ZNF783: variants seen among roughly 807,000 people sequenced by gnomAD.
ZNF783 encodes protein ZNF783.
In ZNF783, 25 loss-of-function variants were observed where a neutral mutation model predicts 31.3. The ratio of observed to expected loss-of-function variants is 0.80; its 90% CI spans 0.58 to 1.11. ZNF783 has a LOEUF of 1.11. Among genes scored for constraint, ZNF783 ranks in the 50% most tolerant of loss-of-function variants. The pLI, the probability that ZNF783 is intolerant of heterozygous loss-of-function variation, is 0.00. For missense variants in ZNF783, 797 were observed against 760.0 expected (o/e 1.05, Z -0.57); for synonymous variants, 369 against 319.1 (o/e 1.16, Z -1.66).
Position 149,281,989 on chromosome 7 carries a change from G to C in ZNF783, c.1287G>C (p.Arg429=), listed in dbSNP as rs755765981. 1 of 1,576,920 alleles carries C rather than the reference G, an allele frequency of 6.3e-7. No individual in the cohort carries two copies. The highest frequency in any genetic ancestry group is 8.5e-7 in the Non-Finnish European group (1 of 1,169,760). The part of the protein sequence containing the change: ...VAGGRALVGR[R]PAASKMYHCS... ...GGGGCCGTGCCTTGGTGGGGCGGCG[G>C]CCTGCAGCCAGCAAGATGTACCACT... The change falls in exon 6 of 6, where the codon CGG becomes CGC. Residue 429 remains arginine, a synonymous_variant. Coordinates refer to ENST00000434415, the MANE Select transcript of ZNF783 (RefSeq NM_001195220.2).
At position 149,283,388 on chromosome 7, in the gene ZNF783, A is replaced by G. The variant is rs904504873; in HGVS notation, c.*1045A>G. ...AGTATTCCTAGTCCTTCCCCACAGGATAGTCACATCCATTATTTACTTTTG... is the reference window on the plus strand; with the variant it reads ...AGTATTCCTAGTCCTTCCCCACAGGGTAGTCACATCCATTATTTACTTTTG... On this transcript the variant is annotated 3_prime_UTR_variant, in exon 6 of 6. Coordinates refer to ENST00000434415, the MANE Select transcript of ZNF783 (RefSeq NM_001195220.2). 1.2e-4 allele frequency: 18 copies of G among 152,198 alleles called. No individual in the cohort carries two copies. Among genetic ancestry groups the G allele is most frequent in the African/African-American group, 4.3e-4 (18 of 41,410 alleles). 9.4% of individuals were successfully genotyped at this position (152,198 alleles called of 1,614,324 possible). A position where few individuals can be genotyped will look rare whatever the true frequency, so the allele number is the denominator to read the frequency against.
chr7:149,267,128 C>T lies in ZNF783; in HGVS notation c.579C>T (p.Thr193=), dbSNP rs1459948944. Residue 193 remains threonine, a synonymous_variant, in exon 4 of 6, where the codon ACC becomes ACT. Coordinates refer to ENST00000434415, the MANE Select transcript of ZNF783 (RefSeq NM_001195220.2). ...DYAISKPDIL[T]RIERGEEPCL... is the part of the protein sequence containing the mutation. ...CAATCTCCAAACCAGACATCCTCACCCGGATAGAGAGGGGAGAGGAGCCTT... is the reference window on the plus strand; with the variant it reads ...CAATCTCCAAACCAGACATCCTCACTCGGATAGAGAGGGGAGAGGAGCCTT... 5.0e-6 allele frequency: 8 copies of T among 1,599,492 alleles called. 1 individual carries two copies. In the Admixed American group the frequency reaches 1.2e-4, roughly 23 times the overall value.
At position 149,267,081 on chromosome 7, in the gene ZNF783, C is replaced by T; in HGVS notation, c.548-16C>T. 2 of 1,602,850 alleles carry T rather than the reference C, an allele frequency of 1.2e-6. No homozygotes were observed. Among genetic ancestry groups the T allele is most frequent in the Non-Finnish European group, 1.7e-6 (2 of 1,179,834 alleles). On this transcript the variant is annotated splice_polypyrimidine_tract_variant and intron_variant, in intron 3 of 5. Coordinates refer to ENST00000434415, the MANE Select transcript of ZNF783 (RefSeq NM_001195220.2). ...TGTGGGGTCCAGCTCTTCCTCATTTCTTGTTCTGTGCACAGATTATGCAAT... is the reference window on the plus strand; with the variant it reads ...TGTGGGGTCCAGCTCTTCCTCATTTTTTGTTCTGTGCACAGATTATGCAAT...
At position 149,281,870 on chromosome 7, in the gene ZNF783, A is replaced by G; in HGVS notation, c.1168A>G (p.Ser390Gly). The G allele has an allele frequency of 6.7e-7, 1 of 1,503,320 alleles. No individual in the cohort carries two copies. Among genetic ancestry groups the G allele is most frequent in the East Asian group, 2.3e-5 (1 of 42,720 alleles). The allele number at this position is 1,503,320 out of a possible 1,614,324, so 93.1% of individuals were successfully genotyped here. A position where few individuals can be genotyped will look rare whatever the true frequency, so the allele number is the denominator to read the frequency against. The change falls in exon 6 of 6, where the codon AGC (serine) becomes GGC (glycine). Residue 390 changes from serine to glycine, a missense_variant. Ser to Gly is a moderately conservative substitution (Grantham distance 56). Coordinates refer to ENST00000434415, the MANE Select transcript of ZNF783 (RefSeq NM_001195220.2). ...CCGCTCGCCCACCAGCTGCGGGGACAGCCAGGCCATGCTGGAGCCGGGGGA... is the reference window on the plus strand; with the variant it reads ...CCGCTCGCCCACCAGCTGCGGGGACGGCCAGGCCATGCTGGAGCCGGGGGA... ...PGRSPTSCGD[S>G]QAMLEPGEVV...
intron 5 of ZNF783, among the ~76,000 whole-genome samples, chr7:149,280,191 G>C (rs1183898733): frequency 6.6e-6 from 1 of 151,852 alleles, no homozygotes; most frequent in Non-Finnish European, 1.5e-5. Context: ...TGGCCGGGCA[G>C]AGGAGCTCCT....
intron 4 of ZNF783, among the ~76,000 whole-genome samples, chr7:149,275,413 C>T (rs535339355): frequency 7.3e-5 from 11 of 151,372 alleles, no homozygotes; most frequent in Non-Finnish European, 1.2e-4. Context: ...CCCGGGTTCA[C>T]GCCATTCTCC....
Position 149,267,101 on chromosome 7 carries a change from T to G in ZNF783, c.552T>G (p.Tyr184Ter), listed in dbSNP as rs1254207446. The G allele has an allele frequency of 1.2e-6, 2 of 1,600,708 alleles. No individual in the cohort carries two copies. The highest frequency in any genetic ancestry group is 2.7e-5 in the African/African-American group (2 of 74,896). Residue 184 changes from tyrosine to a stop codon, truncating the protein, a stop_gained, in exon 4 of 6, where the codon TAT becomes TAG. Coordinates refer to ENST00000434415, the MANE Select transcript of ZNF783 (RefSeq NM_001195220.2). LOFTEE classifies it high-confidence loss of function. ...GNYETLVSLD[Y>*]AISKPDILTR... Reference sequence around the variant, plus strand: ...CATTTCTTGTTCTGTGCACAGATTATGCAATCTCCAAACCAGACATCCTCA... The same window carrying G: ...CATTTCTTGTTCTGTGCACAGATTAGGCAATCTCCAAACCAGACATCCTCA...
intron 1 of ZNF783, among the ~76,000 whole-genome samples, chr7:149,263,292 GTGTGTGTGTGTGTATATA>G (rs1375821441): frequency 0.031 from 2,524 of 82,746 alleles, 84 homozygotes; most frequent in African/African-American, 0.1. Context: ...GTGTGTGTGT[GTGTGTGTGTGTGTATATA>G]TATATATATA....
chr7:149,264,332 A>T (rs539063005), intron 1 of ZNF783, among the ~76,000 whole-genome samples: 187 of 152,318 alleles, frequency 1.2e-3, no homozygotes, highest in Non-Finnish European at 2.3e-3. Context: ...AATCTTAAAA[A>T]CGAGAGAGAC....
Position 149,281,989 on chromosome 7 carries a change from G to T in ZNF783, c.1287G>T (p.Arg429=), listed in dbSNP as rs755765981. 3 of 1,576,920 alleles carry T rather than the reference G, an allele frequency of 1.9e-6. No homozygotes were observed. The South Asian group carries it at 3.4e-5, about 18-fold the overall frequency. Residue 429 remains arginine, a synonymous_variant, in exon 6 of 6, where the codon CGG becomes CGT. Coordinates refer to ENST00000434415, the MANE Select transcript of ZNF783 (RefSeq NM_001195220.2). ...VAGGRALVGR[R]PAASKMYHCS... ...GGGGCCGTGCCTTGGTGGGGCGGCG[G>T]CCTGCAGCCAGCAAGATGTACCACT...
intron 4 of ZNF783, chr7:149,276,786 C>T (rs756289212): frequency 2.4e-5 from 5 of 211,338 alleles, no homozygotes; most frequent in Non-Finnish European, 4.1e-5. Flanking sequence ...ATCCTCCTGC[C>T]TCAGCCTCCC....
intron 5 of ZNF783, 128 bp downstream of exon 5, chr7:149,278,655 C>G: frequency 6.9e-7 from 1 of 1,450,528 alleles, no homozygotes; most frequent in Non-Finnish European, 9.2e-7. Flanking sequence ...ACTGGTTGGG[C>G]TGGGCCGGAC....
rs1797090084 is a variant in ZNF783, at chr7:149,266,975, CT to C, written c.547+31del. ...GGCCACGGAGGGAGGATCTGGGCCT[CT>C]GTCCACAGGTTGTCTGTGGACAGTC... is the stretch of plus-strand genomic sequence containing the variant. On this transcript the variant is annotated intron_variant, in intron 3 of 5. Coordinates refer to ENST00000434415, the MANE Select transcript of ZNF783 (RefSeq NM_001195220.2). 18 of 1,613,992 alleles carry C rather than the reference CT, an allele frequency of 1.1e-5. No homozygotes were observed. In the East Asian group the frequency reaches 4.0e-4, roughly 36 times the overall value.
At chr7:149,278,644 G>A (rs1585619396) in intron 5 of ZNF783, 117 bp downstream of exon 5, 1 of 1,495,590 alleles carries the variant, frequency 6.7e-7, no homozygotes, top group African/African-American at 1.4e-5. Flanking sequence ...AGGGCTGGGA[G>A]ACTGGTTGGG....
chr7:149,280,843 G>A (rs1797451263), intron 5 of ZNF783, among the ~76,000 whole-genome samples: 1 of 152,196 alleles, frequency 6.6e-6, no homozygotes, highest in East Asian at 1.9e-4. Context: ...CCACTGCCTT[G>A]GTTGTCCTTG....
In ZNF783 at chr7:149,263,286, GTGTGTGTGTGTGTGTGTGTATA is replaced by G. The variant is rs1414392987; in HGVS notation, c.24+931_24+952del. On this transcript the variant is annotated intron_variant, in intron 1 of 5. Transcript: ENST00000434415. ...TATACGTGTGTGTGTGTGTGTGTGTGTGTGTGTGTGTGTGTGTGTATATATATATATATATATATTTTTTTTT... is the reference window on the plus strand; with the variant it reads ...TATACGTGTGTGTGTGTGTGTGTGTGTATATATATATATATATTTTTTTTT... 6.7e-4 allele frequency among the ~76,000 whole-genome samples: 66 copies of G among 98,798 alleles called. 1 individual carries two copies. Among genetic ancestry groups the G allele is most frequent in the Admixed American group, 6.1e-3 (49 of 8,090 alleles). The allele number at this position is 98,798 out of a possible 152,430, so 64.8% of individuals were successfully genotyped here.
intron 5 of ZNF783, among the ~76,000 whole-genome samples, chr7:149,279,175 G>A (rs1355723783): frequency 1.3e-5 from 2 of 152,174 alleles, no homozygotes; most frequent in Non-Finnish European, 2.9e-5. Context: ...GTGATTTCTG[G>A]GTATCTTCCC....
chr7:149,274,798 G>A (rs1014082942), intron 4 of ZNF783, among the ~76,000 whole-genome samples: 11 of 152,206 alleles, frequency 7.2e-5, no homozygotes, highest in Middle Eastern at 3.4e-3. Flanking sequence ...TTTGATTACC[G>A]TAGATCTGTA....
chr7:149,273,207 A>G (rs1026961909), intron 4 of ZNF783, among the ~76,000 whole-genome samples: 7 of 152,200 alleles, frequency 4.6e-5, no homozygotes, highest in African/African-American at 1.4e-4. Flanking sequence ...TGCTGCAGTA[A>G]ACATGGGAGT....
Sources: gnomAD v4.1 joint callset for allele counts (sites outside exome capture counted in the v4.1 genomes callset) on GRCh38, gnomAD v4.1.1 for gene constraint, MANE v1.5 for transcripts, NCBI Gene and HGNC (gene_info 2026-07-23, HGNC 2026-07-21) for gene names.